The following FST variants were observed in gnomAD, a reference collection of about 807,000 sequenced individuals.
FST encodes the protein activin-binding protein.
A neutral mutation model predicts 38.4 loss-of-function variants in FST; 6 were observed. That is an observed-to-expected ratio of 0.16 (90% confidence interval 0.09 to 0.31). FST has a LOEUF of 0.31. FST is among the 10% of genes least tolerant of loss of function. The pLI is 1.00. For missense variants in FST, 301 were observed against 432.3 expected, an observed-to-expected ratio of 0.70 and a Z score of 2.69; for synonymous variants, 157 against 169.8, an observed-to-expected ratio of 0.92 and a Z score of 0.59.
chr5:53,485,777 C>G lies in FST; in HGVS notation c.953-174C>G, dbSNP rs1192752144. 1.9e-6 allele frequency: 3 copies of G among 1,594,186 alleles called. No individual in the cohort carries two copies. In the African/African-American group the frequency reaches 4.1e-5, roughly 22 times the overall value. On this transcript the variant is annotated intron_variant, in intron 5 of 5. Coordinates refer to ENST00000256759, the MANE Select transcript of FST (RefSeq NM_013409.3). ...TTATGCTTTAAAAAAATTTTTTTAACTTATTGCATAACAGCAGATGCCAAA... is the reference window on the plus strand; with the variant it reads ...TTATGCTTTAAAAAAATTTTTTTAAGTTATTGCATAACAGCAGATGCCAAA...
rs1323934841 is a variant in FST at position 53,484,378 on chromosome 5, C to G, written c.721+85C>G. ...GTGGGGTTAACTAATAAGTAAAGCC[C>G]AAGGCGTCCCCAAACACCATAGGGA... is the stretch of plus-strand genomic sequence containing the variant. On this transcript the variant is annotated intron_variant, in intron 4 of 5. Coordinates refer to ENST00000256759, the MANE Select transcript of FST (RefSeq NM_013409.3). The G allele has an allele frequency of 5.7e-6, 8 of 1,396,328 alleles. No homozygotes were observed. In the African/African-American group the frequency reaches 1.1e-4, roughly 20 times the overall value. The allele number at this position is 1,396,328 out of a possible 1,614,324, so 86.5% of individuals were successfully genotyped here.
At chr5:53,485,562 T>C (rs984570119) in intron 5 of FST, 33 of 655,890 alleles carry the variant, frequency 5.0e-5, no homozygotes, top group African/African-American at 4.9e-4. Flanking sequence ...TTTTTTTTTT[T>C]CCAACGACAG....
In FST at chr5:53,482,886, A is replaced by C; in HGVS notation, c.92A>C (p.Asn31Thr). 1 of 1,603,078 alleles carries C rather than the reference A, an allele frequency of 6.2e-7. No homozygotes were observed. The highest frequency in any genetic ancestry group is 8.5e-7 in the Non-Finnish European group (1 of 1,172,446). ...FMEDRSAQAG[N>T]CWLRQAKNGR... ...CACCCTTGTCTCTTCACAGCTGGGA[A>C]CTGCTGGCTCCGTCAAGCGAAGAAC... is the stretch of plus-strand genomic sequence containing the variant. The change falls in exon 2 of 6, where the codon AAC (asparagine) becomes ACC (threonine). Residue 31 changes from asparagine (N) to threonine (T), a missense_variant. Physicochemically the swap from Asn to Thr is moderately conservative, Grantham distance 65. Coordinates refer to ENST00000256759, the MANE Select transcript of FST (RefSeq NM_013409.3).
chr5:53,484,038 C>T (rs1747399603), intron 3 of FST, 31 bp from the exon 4 acceptor site: 1 of 1,593,966 alleles, frequency 6.3e-7, no homozygotes, highest in African/African-American at 1.3e-5. Context: ...TAGAAGGTAC[C>T]TATTCATGTG....
chr5:53,483,490 T>A lies in FST; in HGVS notation c.278-14T>A. On this transcript the variant is annotated splice_polypyrimidine_tract_variant and intron_variant, in intron 2 of 5. Transcript: ENST00000256759. This position sits in a 1 kb window ranked among gnomAD's most constrained non-coding sequence, Gnocchi z 4.1. ...TGGCTCTGGTTTTAATCCATGCCTGTTTCTAACTCACAGAAACGTGTGAGA... is the reference window on the plus strand; with the variant it reads ...TGGCTCTGGTTTTAATCCATGCCTGATTCTAACTCACAGAAACGTGTGAGA... 6.2e-7 allele frequency: 1 copy of A among 1,606,428 alleles called. No homozygotes were observed. The highest frequency in any genetic ancestry group is 8.5e-7 in the Non-Finnish European group (1 of 1,173,304).
At position 53,486,099 on chromosome 5, in the gene FST, A is replaced by C; in HGVS notation, c.*66A>C. The C allele has an allele frequency of 1.2e-6, 1 of 821,158 alleles. No homozygotes were observed. Among genetic ancestry groups the C allele is most frequent in the Non-Finnish European group, 1.9e-6 (1 of 517,742 alleles). The allele number at this position is 821,158 out of a possible 1,614,324, so 50.9% of individuals were successfully genotyped here. On this transcript the variant is annotated 3_prime_UTR_variant, in exon 6 of 6. Transcript: ENST00000256759. Reference sequence around the variant, plus strand: ...AAAAAAAAAAAAAAAAAAAAGAAAAAGAAAAAAAGAAAAATATATTGTCCA... The same window carrying C: ...AAAAAAAAAAAAAAAAAAAAGAAAACGAAAAAAAGAAAAATATATTGTCCA...
At position 53,485,967 on chromosome 5, in the gene FST, C is replaced by T. The variant is rs762363433; in HGVS notation, c.969C>T (p.Thr323=). ...CCCATCTAGCCATTTCGGAAGACAC[C>T]GAGGAAGAGGAGGAAGATGAAGACC... ...SGSCNSISED[T]EEEEEDEDQD... Residue 323 remains threonine, a synonymous_variant, in exon 6 of 6, where the codon ACC becomes ACT. Coordinates refer to ENST00000256759, the MANE Select transcript of FST (RefSeq NM_013409.3). 8.7e-6 allele frequency: 14 copies of T among 1,604,230 alleles called. No homozygotes were observed. The Middle Eastern group carries it at 5.0e-4, about 57-fold the overall frequency.
intron 1 of FST, among the ~76,000 whole-genome samples, chr5:53,481,095 G>C (rs545642841): frequency 3.3e-5 from 5 of 152,110 alleles, no homozygotes; most frequent in Admixed American, 2.6e-4. Flanking sequence ...AGGAAAGGGA[G>C]CGAGCTGGGG....
chr5:53,482,256 T>C (rs1054532417), intron 1 of FST, among the ~76,000 whole-genome samples: 1 of 151,288 alleles, frequency 6.6e-6, no homozygotes, highest in Admixed American at 6.6e-5. Flanking sequence ...CCTCTCTCTC[T>C]TTCTTTCTTC....
intron 4 of FST, 26 bp from the exon 5 acceptor site, chr5:53,484,971 C>T (rs1561298759): frequency 9.1e-7 from 1 of 1,096,034 alleles, no homozygotes; most frequent in Non-Finnish European, 1.4e-6. Flanking sequence ...AATCAGTTTA[C>T]TCATCACAGA....
At chr5:53,484,335 T>G (rs944568674) in intron 4 of FST, 42 bp downstream of exon 4, 1 of 1,586,748 alleles carries the variant, frequency 6.3e-7, no homozygotes, top group African/African-American at 1.3e-5. Flanking sequence ...GAAAACAGGC[T>G]AGTTCTATTA....
Position 53,485,124 on chromosome 5 carries a change from C to T in FST, c.849C>T (p.Val283=). ...LCPDSKSDEP[V]CASDNATYAS... is the part of the protein sequence containing the mutation. Reference sequence around the variant, plus strand: ...CTGACAGTAAGTCGGATGAGCCTGTCTGTGCCAGTGACAATGCCACTTATG... The same window carrying T: ...CTGACAGTAAGTCGGATGAGCCTGTTTGTGCCAGTGACAATGCCACTTATG... Residue 283 remains valine (V), a synonymous_variant, in exon 5 of 6, where the codon GTC becomes GTT. Coordinates refer to ENST00000256759, the MANE Select transcript of FST (RefSeq NM_013409.3). 2 of 1,613,040 alleles carry T rather than the reference C, an allele frequency of 1.2e-6. No homozygotes were observed. Among genetic ancestry groups the T allele is most frequent in the South Asian group, 1.1e-5 (1 of 91,060 alleles).
chr5:53,487,083 G>A lies in FST; in HGVS notation c.*1050G>A, dbSNP rs1747584678. ...GCAATGTATATAAAAGTTATAATGT[G>A]TATTTGTAAATAAATGATGAGTGAA... On this transcript the variant is annotated 3_prime_UTR_variant, in exon 6 of 6. Coordinates refer to ENST00000256759, the MANE Select transcript of FST (RefSeq NM_013409.3). 1 of 152,124 alleles carries A rather than the reference G, an allele frequency of 6.6e-6. No homozygotes were observed. Among genetic ancestry groups the A allele is most frequent in the Admixed American group, 6.5e-5 (1 of 15,274 alleles). 9.4% of individuals were successfully genotyped at this position (152,124 alleles called of 1,614,324 possible).
At chr5:53,485,843 A>G (rs1012465005) in intron 5 of FST, 108 bp from the exon 6 acceptor site, 2 of 1,597,688 alleles carry the variant, frequency 1.3e-6, no homozygotes, top group Non-Finnish European at 1.7e-6. Context: ...TAAAAATGCA[A>G]CGCTGTAATA....
In FST at chr5:53,486,403, G is replaced by A. The variant is rs979481958; in HGVS notation, c.*370G>A. The stretch of plus-strand genomic sequence containing the variant: ...AAGAGCAGTTGTTATTTATTGTGAG[G>A]TCTCTTGCTTGTAAAGTAAAAGCTT... On this transcript the variant is annotated 3_prime_UTR_variant, in exon 6 of 6. Transcript: ENST00000256759. The A allele has an allele frequency of 1.9e-5, 3 of 157,592 alleles. No individual in the cohort carries two copies. Among genetic ancestry groups the A allele is most frequent in the African/African-American group, 7.2e-5 (3 of 41,680 alleles). 9.8% of individuals were successfully genotyped at this position (157,592 alleles called of 1,614,324 possible).
Position 53,483,059 on chromosome 5 carries a change from A to T in FST, c.265A>T (p.Ile89Phe). ...TTTCAACGGGGGCGCCCCCAACTGC[A>T]TCCCCTGTAAAGGTAGGACTCCTTC... ...MIFNGGAPNC[I>F]PCKETCENVD... is the part of the protein sequence containing the mutation. Residue 89 changes from isoleucine (I) to phenylalanine (F), a missense_variant, in exon 2 of 6, where the codon ATC (isoleucine) becomes TTC (phenylalanine). Transcript: ENST00000256759. This position sits in a 1 kb window ranked among gnomAD's most constrained non-coding sequence, Gnocchi z 4.1. 6.2e-7 allele frequency: 1 copy of T among 1,611,744 alleles called. No individual in the cohort carries two copies. Among genetic ancestry groups the T allele is most frequent in the Non-Finnish European group, 8.5e-7 (1 of 1,178,162 alleles).
rs556392990 is a variant in FST at position 53,481,862 on chromosome 5, A to C, written c.85+986A>C. Among the ~76,000 whole-genome samples, 5 of 152,322 alleles carry C rather than the reference A, an allele frequency of 3.3e-5. No homozygotes were observed. The South Asian group carries it at 1.0e-3, about 32-fold the overall frequency. ...GTACTTATAACCGTGAAATGGTAGG[A>C]AGACTCCCCCCTCCCCCCACCTTAA... On this transcript the variant is annotated intron_variant, in intron 1 of 5. Transcript: ENST00000256759.
At chr5:53,484,410 C>G (rs1286137714) in intron 4 of FST, 117 bp downstream of exon 4, 2 of 1,057,596 alleles carry the variant, frequency 1.9e-6, no homozygotes, top group Admixed American at 2.7e-5. Flanking sequence ...GGGAGAAATA[C>G]GCTGCAATTT....
Position 53,486,170 on chromosome 5 carries a change from C to T in FST, c.*137C>T, listed in dbSNP as rs752929467. The T allele has an allele frequency of 3.6e-5, 19 of 527,922 alleles. No individual in the cohort carries two copies. Among genetic ancestry groups the T allele is most frequent in the Non-Finnish European group, 4.6e-5 (14 of 307,448 alleles). 32.7% of individuals were successfully genotyped at this position (527,922 alleles called of 1,614,324 possible). On this transcript the variant is annotated 3_prime_UTR_variant, in exon 6 of 6. Coordinates refer to ENST00000256759, the MANE Select transcript of FST (RefSeq NM_013409.3). Reference sequence around the variant, plus strand: ...TTATTTATTTGGGGGGAAAACTATACATTAAAGGACCTTTGTCCTAAAGCT... The same window carrying T: ...TTATTTATTTGGGGGGAAAACTATATATTAAAGGACCTTTGTCCTAAAGCT...
Sources: allele counts gnomAD v4.1 joint callset (sites outside exome capture counted in the v4.1 genomes callset), GRCh38; gene constraint gnomAD v4.1.1; non-coding constraint Gnocchi (gnomAD v3.1); transcripts MANE v1.5; gene names NCBI Gene and HGNC (gene_info 2026-07-23, HGNC 2026-07-21).